IL17D: variants seen among roughly 807,000 people sequenced by gnomAD.
The protein encoded by IL17D is interleukin 17D.
IL17D carries 10 observed loss-of-function variants against 5.7 expected under a neutral mutation model. That is an observed-to-expected ratio of 1.75 (90% CI 1.08 to 2.97). IL17D has a LOEUF of 2.97. IL17D is among the 30% of genes most tolerant of loss of function. The pLI is 0.00. For missense variants in IL17D, 354 were observed against 292.7 expected, an observed-to-expected ratio of 1.21 and a Z score of -1.53; for synonymous variants, 172 against 141.7, an observed-to-expected ratio of 1.21 and a Z score of -1.52.
chr13:20,710,846 ATTTAT>A (rs1249823154), intron 1 of IL17D, among the ~76,000 whole-genome samples: 1 of 152,114 alleles, frequency 6.6e-6, no homozygotes, highest in Non-Finnish European at 1.5e-5. Flanking sequence ...ACTACACCTA[ATTTAT>A]TTTACAGTAA....
chr13:20,720,078 C>T (rs1309053066), intron 1 of IL17D, among the ~76,000 whole-genome samples: 5 of 152,158 alleles, frequency 3.3e-5, no homozygotes. Context: ...TAGCCTGGCT[C>T]CATCAGGTTC....
chr13:20,704,342 CT>C, intron 1 of IL17D, 51 bp downstream of exon 1: 1 of 194,944 alleles, frequency 5.1e-6, no homozygotes, highest in Non-Finnish European at 8.1e-6. Flanking sequence ...GAGGGCAGGG[CT>C]GGGCGGGGAG....
At chr13:20,718,738 T>TCACA (rs139291797) in intron 1 of IL17D, among the ~76,000 whole-genome samples, 3 of 94,222 alleles carry the variant, frequency 3.2e-5, no homozygotes, top group African/African-American at 1.4e-4. Context: ...ATGGCTACGC[T>TCACA]CACACACACC....
At chr13:20,707,841 T>C (rs1411302648) in intron 1 of IL17D, among the ~76,000 whole-genome samples, 2 of 151,908 alleles carry the variant, frequency 1.3e-5, no homozygotes, top group African/African-American at 2.4e-5. Context: ...TGTTCCTTGG[T>C]GGAGTGTCTG....
chr13:20,705,951 C>T (rs1176819637), intron 1 of IL17D, among the ~76,000 whole-genome samples: 1 of 152,196 alleles, frequency 6.6e-6, no homozygotes, highest in Non-Finnish European at 1.5e-5. Flanking sequence ...GTCTAAAACG[C>T]ATCTGGGCTT....
intron 1 of IL17D, among the ~76,000 whole-genome samples, chr13:20,719,835 A>T (rs985898694): frequency 7.2e-5 from 11 of 152,090 alleles, no homozygotes; most frequent in African/African-American, 2.7e-4. Flanking sequence ...TTGATAAATG[A>T]TTGTGCAGGT....
intron 1 of IL17D, among the ~76,000 whole-genome samples, chr13:20,706,880 G>T (rs1657669244): frequency 1.3e-5 from 2 of 152,248 alleles, no homozygotes; most frequent in South Asian, 2.1e-4. Flanking sequence ...TCAGTGCTGG[G>T]TGGTCCCAGG....
chr13:20,720,121 C>T (rs1438134491), intron 1 of IL17D, among the ~76,000 whole-genome samples: 1 of 152,214 alleles, frequency 6.6e-6, no homozygotes, highest in African/African-American at 2.4e-5. Context: ...CCTCAAGCCT[C>T]TGCCCTTCGT....
Position 20,704,301 on chromosome 13 carries a change from G to T in IL17D, c.290+10G>T. On this transcript the variant is annotated intron_variant, in intron 1 of 1. Transcript: ENST00000682841. ...CGCCCTGGGCCTACAGGTGAGCCGC[G>T]GGCGCGTCCTGGCGGGGCCCGGCAG... 2 of 1,206,326 alleles carry T rather than the reference G, an allele frequency of 1.7e-6. No individual in the cohort carries two copies. Among genetic ancestry groups the T allele is most frequent in the Non-Finnish European group, 2.1e-6 (2 of 972,978 alleles). 74.7% of individuals were successfully genotyped at this position (1,206,326 alleles called of 1,614,324 possible).
chr13:20,711,125 G>T (rs1566518753), intron 1 of IL17D, among the ~76,000 whole-genome samples: 1 of 151,972 alleles, frequency 6.6e-6, no homozygotes, highest in Non-Finnish European at 1.5e-5. Context: ...TTAGCTGAGC[G>T]TGGTGGCACA....
rs1339696211 is a variant in IL17D at position 20,718,702 on chromosome 13, TCACA to T, written c.291-2928_291-2925del. On this transcript the variant is annotated intron_variant, in intron 1 of 1. Coordinates refer to ENST00000682841, the MANE Select transcript of IL17D (RefSeq NM_001385224.1). ...CACCTGCCCACTTACACGCCCACGC[TCACA>T]CACACCTGCCCACTTACACACATGG... Among the ~76,000 whole-genome samples the T allele has an allele frequency of 1.6e-4, 11 of 67,286 alleles. No individual in the cohort carries two copies. In the Admixed American group the frequency reaches 2.1e-3, roughly 13 times the overall value. 44.1% of individuals were successfully genotyped at this position (67,286 alleles called of 152,430 possible).
rs2058682762 is a variant in IL17D, at chr13:20,716,935, C to G, written c.291-4701C>G. Among the ~76,000 whole-genome samples, 1 of 152,250 alleles carries G rather than the reference C, an allele frequency of 6.6e-6. No individual in the cohort carries two copies. Among genetic ancestry groups the G allele is most frequent in the Non-Finnish European group, 1.5e-5 (1 of 68,040 alleles). Reference sequence around the variant, plus strand: ...TGTGCCAACCAGCGCCCCAGCTATCCTTGGGCATCAGTTAGAGGACACATC... The same window carrying G: ...TGTGCCAACCAGCGCCCCAGCTATCGTTGGGCATCAGTTAGAGGACACATC... On this transcript the variant is annotated intron_variant, in intron 1 of 1. Transcript: ENST00000682841. This position sits in a 1 kb window ranked among gnomAD's most constrained non-coding sequence, Gnocchi z 4.2.
At chr13:20,720,261 C>T (rs2058720668) in intron 1 of IL17D, among the ~76,000 whole-genome samples, 1 of 152,170 alleles carries the variant, frequency 6.6e-6, no homozygotes, top group African/African-American at 2.4e-5. Context: ...TAACCACCAT[C>T]TATCGGTGGA....
chr13:20,707,796 A>G (rs914771162), intron 1 of IL17D, among the ~76,000 whole-genome samples: 1 of 152,184 alleles, frequency 6.6e-6, no homozygotes, highest in Non-Finnish European at 1.5e-5. Context: ...TAGTGCTGGG[A>G]TTACAGGCGT....
At chr13:20,704,897 GT>G (rs937690329) in intron 1 of IL17D, among the ~76,000 whole-genome samples, 1 of 152,270 alleles carries the variant, frequency 6.6e-6, no homozygotes, top group African/African-American at 2.4e-5. Flanking sequence ...AGCCCCTCTA[GT>G]TTAATAGCCT....
At position 20,703,870 on chromosome 13, in the gene IL17D, G is replaced by C. The variant is rs2058564134; in HGVS notation, c.-132G>C. 7.1e-6 allele frequency: 2 copies of C among 282,576 alleles called. No individual in the cohort carries two copies. Among genetic ancestry groups the C allele is most frequent in the African/African-American group, 2.3e-5 (1 of 43,032 alleles). The allele number at this position is 282,576 out of a possible 1,614,324, so 17.5% of individuals were successfully genotyped here. Reference sequence around the variant, plus strand: ...CCGCGCGGCTCCCATCCTCCGGGCCGGCCTCTGGCTCCGCGGGGCGAGGGG... The same window carrying C: ...CCGCGCGGCTCCCATCCTCCGGGCCCGCCTCTGGCTCCGCGGGGCGAGGGG... On this transcript the variant is annotated 5_prime_UTR_variant, in exon 1 of 2. Coordinates refer to ENST00000682841, the MANE Select transcript of IL17D (RefSeq NM_001385224.1).
Position 20,704,053 on chromosome 13 carries a change from G to T in IL17D, c.52G>T (p.Ala18Ser), listed in dbSNP as rs2058566446. The change falls in exon 1 of 2, where the codon GCC becomes TCC. Residue 18 changes from alanine (A) to serine (S), a missense_variant. Coordinates refer to ENST00000682841, the MANE Select transcript of IL17D (RefSeq NM_001385224.1). ...LALPPSWAAG[A>S]PRAGRRPARP... ...GCTGCCGCCGAGCTGGGCCGCGGGC[G>T]CCCCGAGGGCGGGCAGGCGCCCCGC... 7.5e-6 allele frequency: 8 copies of T among 1,064,896 alleles called. No homozygotes were observed. The highest frequency in any genetic ancestry group is 9.0e-6 in the Non-Finnish European group (8 of 885,898). The allele number at this position is 1,064,896 out of a possible 1,614,324, so 66.0% of individuals were successfully genotyped here.
chr13:20,703,358 C>A (rs2058559371), upstream of IL17D: 5 of 985,854 alleles, frequency 5.1e-6, no homozygotes, highest in Non-Finnish European at 6.0e-6. Context: ...GTTTTCAGCT[C>A]CTGGAGGCGA....
At chr13:20,704,960 T>C (rs2058579744) in intron 1 of IL17D, among the ~76,000 whole-genome samples, 1 of 152,160 alleles carries the variant, frequency 6.6e-6, no homozygotes, top group Admixed American at 6.5e-5. Flanking sequence ...AGGCAGTGCA[T>C]GAAGTGACAT....
Sources: gnomAD v4.1 joint callset for allele counts (sites outside exome capture counted in the v4.1 genomes callset) on GRCh38, gnomAD v4.1.1 for gene constraint, Gnocchi (gnomAD v3.1) non-coding constraint, MANE v1.5 for transcripts, NCBI Gene and HGNC (gene_info 2026-07-23, HGNC 2026-07-21) for gene names.